RSBN1L: variants seen among roughly 807,000 people sequenced by gnomAD.
RSBN1L encodes lysine-specific demethylase RSBN1L.
In RSBN1L, 30 loss-of-function variants were observed where a neutral mutation model predicts 67.7. That is an observed-to-expected ratio of 0.44 (90% confidence interval 0.33 to 0.60). RSBN1L has a LOEUF of 0.60. Ranked by LOEUF, RSBN1L falls within the 20% of genes least tolerant of loss-of-function variation. The probability of loss-of-function intolerance (pLI) is 0.02; values close to 1 mark genes in which losing one functional copy is unlikely to be tolerated. For synonymous variants in RSBN1L, 433 were observed against 387.0 expected, an observed-to-expected ratio of 1.12 and a Z score of -1.39; for missense variants, 992 against 1,031.7, an observed-to-expected ratio of 0.96 and a Z score of 0.53.
At chr7:77,756,710 G>A (rs747567788) in intron 3 of RSBN1L, among the ~76,000 whole-genome samples, 35 of 152,070 alleles carry the variant, frequency 2.3e-4, no homozygotes, top group Non-Finnish European at 4.7e-4. Flanking sequence ...TCCAGGAGGC[G>A]GAGGGTGCAG....
Position 77,697,020 on chromosome 7 carries a change from G to A in RSBN1L, c.551G>A (p.Arg184Gln), listed in dbSNP as rs532721806. 10 of 1,525,082 alleles carry A rather than the reference G, an allele frequency of 6.6e-6. No individual in the cohort carries two copies. The East Asian group carries it at 2.5e-4, about 38-fold the overall frequency. The allele number at this position is 1,525,082 out of a possible 1,614,324, so 94.5% of individuals were successfully genotyped here. Residue 184 changes from arginine (R) to glutamine (Q), a missense_variant, in exon 1 of 8, where the codon CGG (arginine) becomes CAG (glutamine). Around this residue, in one of 7 missense-constraint regions of RSBN1L, gnomAD observed 575 missense variants for 483.2 expected, o/e 1.19. Transcript: ENST00000334955. ...GCCCGAGAGGCCGGCGGGGCCTCCC[G>A]GGAGGAGAACGGGGAGGTGAAGCCG... ...GGAREAGGAS[R>Q]EENGEVKPLP...
chr7:77,701,515 G>A (rs529219845), intron 1 of RSBN1L, among the ~76,000 whole-genome samples: 61 of 152,166 alleles, frequency 4.0e-4, no homozygotes, highest in Middle Eastern at 3.4e-3. Context: ...ATGTTAAGAC[G>A]TCTGATCTCC....
intron 1 of RSBN1L, among the ~76,000 whole-genome samples, chr7:77,699,231 G>C (rs963122901): frequency 1.3e-5 from 2 of 152,050 alleles, no homozygotes; most frequent in Non-Finnish European, 2.9e-5. Context: ...CTGGCTGATT[G>C]AACAGTCTGA....
intron 3 of RSBN1L, among the ~76,000 whole-genome samples, chr7:77,753,488 G>T (rs900422597): frequency 6.6e-6 from 1 of 151,984 alleles, no homozygotes; most frequent in Admixed American, 6.6e-5. Context: ...TGATTTGTTG[G>T]ACTATTATAT....
chr7:77,720,011 C>A (rs1791094960), intron 1 of RSBN1L, among the ~76,000 whole-genome samples: 1 of 152,204 alleles, frequency 6.6e-6, no homozygotes, highest in South Asian at 2.1e-4. Flanking sequence ...GCCATCCTCC[C>A]ACCTTGTCCT....
intron 2 of RSBN1L, among the ~76,000 whole-genome samples, chr7:77,737,019 T>G (rs1436632391): frequency 6.6e-6 from 1 of 152,170 alleles, no homozygotes; most frequent in Non-Finnish European, 1.5e-5. Context: ...TATCCTTGTT[T>G]TATTCTTTTT....
rs1035592156 is a variant in RSBN1L at position 77,758,578 on chromosome 7, TATTC to T, written c.1345-6912_1345-6909del. ...TGTTGTGCAGTGAAATCGTAGGCTTTATTCATTCTTTCTTTTTTTGTGTGTGCGC... is the reference window on the plus strand; with the variant it reads ...TGTTGTGCAGTGAAATCGTAGGCTTTATTCTTTCTTTTTTTGTGTGTGCGC... On this transcript the variant is annotated intron_variant, in intron 3 of 7. Transcript: ENST00000334955. Among the ~76,000 whole-genome samples, 138 of 152,328 alleles carry T rather than the reference TATTC, an allele frequency of 9.1e-4. 1 individual carries two copies. Among genetic ancestry groups the T allele is most frequent in the African/African-American group, 3.2e-3 (132 of 41,570 alleles).
intron 1 of RSBN1L, among the ~76,000 whole-genome samples, chr7:77,714,522 A>G (rs1255067618): frequency 6.6e-6 from 1 of 152,208 alleles, no homozygotes; most frequent in Non-Finnish European, 1.5e-5. Flanking sequence ...GTACAGTTGC[A>G]TGAATCAGTT....
chr7:77,776,493 T>G (rs1791916454), intron 6 of RSBN1L, among the ~76,000 whole-genome samples: 1 of 152,242 alleles, frequency 6.6e-6, no homozygotes, highest in Admixed American at 6.5e-5. Flanking sequence ...ATATGTCTAT[T>G]CTTAACATCT....
At chr7:77,700,137 T>G (rs547076613) in intron 1 of RSBN1L, among the ~76,000 whole-genome samples, 1 of 152,308 alleles carries the variant, frequency 6.6e-6, no homozygotes, top group East Asian at 1.9e-4. Flanking sequence ...CTGATTTTAG[T>G]GCTTACGGAG....
intron 2 of RSBN1L, among the ~76,000 whole-genome samples, chr7:77,745,337 A>G (rs1791468415): frequency 6.6e-6 from 1 of 152,160 alleles, no homozygotes; most frequent in East Asian, 1.9e-4. Context: ...TGTTAGTGAG[A>G]CAGATTTTTT....
chr7:77,751,151 TTTTTTTG>T (rs61209090), intron 3 of RSBN1L, among the ~76,000 whole-genome samples: 62,979 of 150,876 alleles, frequency 0.42, 13,426 homozygotes, highest in African/African-American at 0.5. Context: ...TAATGTGGTG[TTTTTTTG>T]TTTTTTGTTT....
intron 3 of RSBN1L, among the ~76,000 whole-genome samples, chr7:77,756,842 A>G (rs998018197): frequency 1.3e-5 from 2 of 152,084 alleles, no homozygotes; most frequent in Admixed American, 1.3e-4. Context: ...ACCATTTTTA[A>G]TCGATAAAAG....
intron 1 of RSBN1L, among the ~76,000 whole-genome samples, chr7:77,697,714 C>CT (rs555874870): frequency 8.5e-5 from 13 of 152,300 alleles, no homozygotes; most frequent in Admixed American, 5.2e-4. Context: ...CAGCCATATT[C>CT]TTTTTTTCCC....
Position 77,770,110 on chromosome 7 carries a change from C to A in RSBN1L, c.1625+1307C>A, listed in dbSNP as rs570485031. 9.0e-4 allele frequency among the ~76,000 whole-genome samples: 137 copies of A among 151,832 alleles called. 2 individuals are homozygous for A. Among genetic ancestry groups the A allele is most frequent in the African/African-American group, 3.2e-3 (133 of 41,400 alleles). Reference sequence around the variant, plus strand: ...TAGTTAGGCCGGGTGCAGTGGCTCACGCCTGTAATCCCAGCACTTTGGGAG... The same window carrying A: ...TAGTTAGGCCGGGTGCAGTGGCTCAAGCCTGTAATCCCAGCACTTTGGGAG... On this transcript the variant is annotated intron_variant, in intron 5 of 7. Coordinates refer to ENST00000334955, the MANE Select transcript of RSBN1L (RefSeq NM_198467.3).
intron 1 of RSBN1L, among the ~76,000 whole-genome samples, chr7:77,731,426 G>A (rs1449480537): frequency 6.6e-6 from 1 of 152,122 alleles, no homozygotes; most frequent in Non-Finnish European, 1.5e-5. Flanking sequence ...AGTAGAGACA[G>A]GGTTTCATCA....
rs758055491 is a variant in RSBN1L, at chr7:77,778,871, A to G, written c.2244A>G (p.Glu748=). 1 of 1,614,060 alleles carries G rather than the reference A, an allele frequency of 6.2e-7. No homozygotes were observed. Among genetic ancestry groups the G allele is most frequent in the Non-Finnish European group, 8.5e-7 (1 of 1,179,938 alleles). Residue 748 remains glutamate (E), a synonymous_variant, in exon 8 of 8, where the codon GAA becomes GAG. Transcript: ENST00000334955. ...CAGATAAACTTCATTCTAAATATGA[A>G]TTACAGCAGATTAAACATGAACCTA... is the stretch of plus-strand genomic sequence containing the variant. ...VFSDKLHSKY[E]LQQIKHEPIA...
intron 3 of RSBN1L, among the ~76,000 whole-genome samples, chr7:77,753,866 C>A (rs1270247590): frequency 6.6e-6 from 1 of 152,104 alleles, no homozygotes; most frequent in Non-Finnish European, 1.5e-5. Context: ...TATGTTTTTC[C>A]ATATAAATAT....
chr7:77,703,458 CTT>C (rs373275745), intron 1 of RSBN1L, among the ~76,000 whole-genome samples: 203 of 82,920 alleles, frequency 2.4e-3, no homozygotes, highest in African/African-American at 8.1e-3. Context: ...GTGTGTGTCT[CTT>C]TTTTCCTACT....
Sources: gnomAD v4.1 joint callset for allele counts (sites outside exome capture counted in the v4.1 genomes callset) on GRCh38, gnomAD v4.1.1 for gene constraint, gnomAD v4.1.1 regional missense constraint, MANE v1.5 for transcripts, NCBI Gene and HGNC (gene_info 2026-07-23, HGNC 2026-07-21) for gene names.